Variants in ADGRV1 observed in about 807,000 individuals in gnomAD.
The protein encoded by ADGRV1 is G-protein coupled receptor 98.
A neutral mutation model predicts 596.2 loss-of-function variants in ADGRV1; 359 were observed. The ratio of observed to expected loss-of-function variants is 0.60; its 90% CI spans 0.55 to 0.66. The LOEUF (loss-of-function observed/expected upper bound fraction) is 0.66. Among genes scored for constraint, ADGRV1 ranks in the 30% least tolerant of loss-of-function variants. The probability of loss-of-function intolerance (pLI) is 0.00; values close to 1 mark genes in which losing one functional copy is unlikely to be tolerated. For synonymous variants in ADGRV1, 2,681 were observed against 2,679.2 expected, an observed-to-expected ratio of 1.00 and a Z score of -0.02; for missense variants, 7,274 against 7,575.6, an observed-to-expected ratio of 0.96 and a Z score of 1.48.
At chr5:91,055,835 G>A (rs1443153405) in intron 85 of ADGRV1, among the ~76,000 whole-genome samples, 2 of 152,152 alleles carry the variant, frequency 1.3e-5, no homozygotes, top group Non-Finnish European at 2.9e-5. Flanking sequence ...GCAAAAGTAT[G>A]AATTTTAAAT....
In ADGRV1 at chr5:90,778,896, A is replaced by G. The variant is rs1285598032; in HGVS notation, c.12881A>G (p.Asp4294Gly). The change falls in exon 64 of 90, where the codon GAT becomes GGT. Residue 4294 changes from aspartate (D) to glycine (G), a missense_variant. Physicochemically the swap from Asp to Gly is moderately conservative, Grantham distance 94 (BLOSUM62 -1). This residue lies in a region of ADGRV1 where 3,643 missense variants were observed against 3,809.2 expected (regional missense o/e 0.96). Transcript: ENST00000405460. ...VNITIIRSSG[D>G]FGHVRLWYKT... is the part of the protein sequence containing the mutation. Reference sequence around the variant, plus strand: ...ATCACAATCATCCGTTCCAGTGGAGATTTTGGCCATGTGCGACTCTGGTAC... The same window carrying G: ...ATCACAATCATCCGTTCCAGTGGAGGTTTTGGCCATGTGCGACTCTGGTAC... 1.2e-6 allele frequency: 2 copies of G among 1,612,924 alleles called. No homozygotes were observed. Among genetic ancestry groups the G allele is most frequent in the African/African-American group, 1.3e-5 (1 of 74,874 alleles).
chr5:90,597,849 G>C (rs931332771), intron 1 of ADGRV1, among the ~76,000 whole-genome samples: 3 of 152,164 alleles, frequency 2.0e-5, no homozygotes, highest in African/African-American at 7.2e-5. Flanking sequence ...AGAAGAGTAT[G>C]CATGTTCCAT....
At chr5:90,647,435 T>G (rs1194847237) in intron 16 of ADGRV1, 63 bp from the exon 17 acceptor site, 8 of 1,522,258 alleles carry the variant, frequency 5.3e-6, no homozygotes, top group Non-Finnish European at 7.1e-6. Flanking sequence ...AAGCACAATG[T>G]GATCTGAAAA....
chr5:91,045,003 A>T (rs1785671154), intron 85 of ADGRV1, among the ~76,000 whole-genome samples: 1 of 152,178 alleles, frequency 6.6e-6, no homozygotes, highest in Admixed American at 6.5e-5. Context: ...CAAGCATTAA[A>T]GGATGAAAAG....
At chr5:90,766,103 G>A (rs1757105610) in intron 59 of ADGRV1, among the ~76,000 whole-genome samples, 1 of 151,972 alleles carries the variant, frequency 6.6e-6, no homozygotes, top group Non-Finnish European at 1.5e-5. Context: ...GTGAGACAGG[G>A]TTTCACTGTG....
chr5:91,020,138 C>A (rs761315469), intron 85 of ADGRV1, among the ~76,000 whole-genome samples: 1 of 151,978 alleles, frequency 6.6e-6, no homozygotes, highest in South Asian at 2.1e-4. Flanking sequence ...TGCTCCTATC[C>A]GTATAAAGTT....
intron 7 of ADGRV1, among the ~76,000 whole-genome samples, chr5:90,628,338 T>C (rs1356328845): frequency 6.6e-6 from 1 of 152,138 alleles, no homozygotes; most frequent in African/African-American, 2.4e-5. Flanking sequence ...CCTGAGTCCA[T>C]GAAGTTGAAG....
chr5:91,125,517 G>A, intron 87 of ADGRV1, among the ~76,000 whole-genome samples: 1 of 152,272 alleles, frequency 6.6e-6, no homozygotes, highest in African/African-American at 2.4e-5. Context: ...CTAGTCTTGG[G>A]CAAATCACAG....
Position 90,679,627 on chromosome 5 carries a change from G to T in ADGRV1, c.5522G>T (p.Arg1841Leu). The T allele has an allele frequency of 6.2e-7, 1 of 1,611,088 alleles. No individual in the cohort carries two copies. The highest frequency in any genetic ancestry group is 8.5e-7 in the Non-Finnish European group (1 of 1,177,532). Residue 1841 changes from arginine to leucine, a missense_variant and splice_region_variant, in exon 26 of 90, where the codon CGT becomes CTT. This residue lies in a region of ADGRV1 where 3,643 missense variants were observed against 3,809.2 expected (regional missense o/e 0.96). Transcript: ENST00000405460. ...MEFFLPTIHK[R>L]ASLGVASQIL... Reference sequence around the variant, plus strand: ...TTCTTCCTTCCAACTATTCACAAACGTGGTAAGCAGTTTTTCCAAGGTCCT... The same window carrying T: ...TTCTTCCTTCCAACTATTCACAAACTTGGTAAGCAGTTTTTCCAAGGTCCT...
chr5:90,813,132 C>CAAAAAAAAAAAAAAA lies in ADGRV1; in HGVS notation c.16078+1812_16078+1826dup, dbSNP rs5869522. Among the ~76,000 whole-genome samples, 152 of 34,918 alleles carry CAAAAAAAAAAAAAAA rather than the reference C, an allele frequency of 4.4e-3. 31 individuals carry two copies. Among genetic ancestry groups the CAAAAAAAAAAAAAAA allele is most frequent in the Admixed American group, 8.5e-3 (12 of 1,412 alleles). 22.9% of individuals were successfully genotyped at this position (34,918 alleles called of 152,430 possible). A position where few individuals can be genotyped will look rare whatever the true frequency, so the allele number is the denominator to read the frequency against. On this transcript the variant is annotated intron_variant, in intron 74 of 89. Coordinates refer to ENST00000405460, the MANE Select transcript of ADGRV1 (RefSeq NM_032119.4). ...TGGGCGACAGAGTAAGACTCCGTCT[C>CAAAAAAAAAAAAAAA]AAAAAAAAAAAAAAAAAAAAAAAAA...
intron 1 of ADGRV1, among the ~76,000 whole-genome samples, chr5:90,610,026 C>T (rs930926407): frequency 7.2e-5 from 11 of 151,878 alleles, no homozygotes. Flanking sequence ...TTATTTTACT[C>T]TCTTCCTTAT....
rs753920180 is a variant in ADGRV1, at chr5:91,072,547, G to C, written c.18253G>C (p.Val6085Leu). 1 of 1,613,842 alleles carries C rather than the reference G, an allele frequency of 6.2e-7. No individual in the cohort carries two copies. Among genetic ancestry groups the C allele is most frequent in the South Asian group, 1.1e-5 (1 of 91,076 alleles). The change falls in exon 86 of 90, where the codon GTG becomes CTG. Residue 6085 changes from valine (V) to leucine (L), a missense_variant. Coordinates refer to ENST00000405460, the MANE Select transcript of ADGRV1 (RefSeq NM_032119.4). The part of the protein sequence containing the change: ...VFVVFIHAYQ[V>L]KPQWKAYDDV... ...CGTGGTGTTCATCCATGCCTACCAG[G>C]TGAAGCCACAGTGGAAAGCATATGA...
chr5:90,567,506 A>C (rs1183743096), intron 1 of ADGRV1, among the ~76,000 whole-genome samples: 1 of 152,104 alleles, frequency 6.6e-6, no homozygotes, highest in African/African-American at 2.4e-5. Context: ...GGGCATATTC[A>C]GATTTTTAAT....
intron 57 of ADGRV1, among the ~76,000 whole-genome samples, chr5:90,758,924 T>C (rs950286059): frequency 6.3e-4 from 96 of 152,298 alleles, no homozygotes; most frequent in African/African-American, 2.2e-3. Flanking sequence ...TTGAAACCAA[T>C]GGGATTTATT....
intron 21 of ADGRV1, among the ~76,000 whole-genome samples, chr5:90,668,932 T>G (rs537742917): frequency 6.6e-6 from 1 of 152,338 alleles, no homozygotes; most frequent in Non-Finnish European, 1.5e-5. Flanking sequence ...TAATGCTTAC[T>G]GACTTGATAA....
At chr5:90,685,666 A>T (rs1028389209) in intron 28 of ADGRV1, 114 bp from the exon 29 acceptor site, 3 of 456,048 alleles carry the variant, frequency 6.6e-6, no homozygotes, top group Non-Finnish European at 1.1e-5. Flanking sequence ...GGAAAACCCC[A>T]AATGAGAATC....
At chr5:90,671,987 A>T (rs1772539715) in intron 21 of ADGRV1, among the ~76,000 whole-genome samples, 1 of 152,206 alleles carries the variant, frequency 6.6e-6, no homozygotes, top group South Asian at 2.1e-4. Context: ...TTCCCACACT[A>T]GGCATCTCTC....
intron 1 of ADGRV1, among the ~76,000 whole-genome samples, chr5:90,613,377 C>A (rs1504986): frequency 6.6e-6 from 1 of 152,106 alleles, no homozygotes; most frequent in African/African-American, 2.4e-5. Flanking sequence ...AAGACCTTCA[C>A]CTGGCTTTGG....
chr5:90,778,923 A>G lies in ADGRV1; in HGVS notation c.12908A>G (p.Lys4303Arg). 6.2e-7 allele frequency: 1 copy of G among 1,613,486 alleles called. No individual in the cohort carries two copies. Among genetic ancestry groups the G allele is most frequent in the Middle Eastern group, 1.7e-4 (1 of 6,052 alleles). The part of the protein sequence containing the change: ...GDFGHVRLWY[K>R]TMSGTAEAGL... ...TTTGGCCATGTGCGACTCTGGTACAAGACGATGAGCGGGACAGCGGAAGCA... is the reference window on the plus strand; with the variant it reads ...TTTGGCCATGTGCGACTCTGGTACAGGACGATGAGCGGGACAGCGGAAGCA... Residue 4303 changes from lysine (K) to arginine (R), a missense_variant, in exon 64 of 90, where the codon AAG becomes AGG. Around this residue, in one of 5 missense-constraint regions of ADGRV1, gnomAD observed 3,643 missense variants for 3,809.2 expected, o/e 0.96. Coordinates refer to ENST00000405460, the MANE Select transcript of ADGRV1 (RefSeq NM_032119.4).
Sources: allele counts gnomAD v4.1 joint callset (sites outside exome capture counted in the v4.1 genomes callset), GRCh38; gene constraint gnomAD v4.1.1; regional missense constraint gnomAD v4.1.1; transcripts MANE v1.5; gene names NCBI Gene and HGNC (gene_info 2026-07-23, HGNC 2026-07-21).